ILRUN: variants seen among roughly 807,000 people sequenced by gnomAD.
The protein encoded by ILRUN is inflammation and lipid regulator with UBA-like and NBR1-like domains, also known as protein ILRUN.
A neutral mutation model predicts 33.8 loss-of-function variants in ILRUN; 3 were observed. The ratio of observed to expected loss-of-function variants is 0.09; its 90% confidence interval spans 0.04 to 0.23. The LOEUF (loss-of-function observed/expected upper bound fraction) is 0.23. Ranked by LOEUF, ILRUN falls within the 10% of genes least tolerant of loss-of-function variation. ILRUN has a pLI of 1.00. For synonymous variants in ILRUN, 124 were observed against 138.9 expected (o/e 0.89, Z 0.75); for missense variants, 210 against 375.1 (o/e 0.56, Z 3.64).
At chr6:34,605,545 C>G (rs1479534504) in intron 4 of ILRUN, among the ~76,000 whole-genome samples, 1 of 151,994 alleles carries the variant, frequency 6.6e-6, no homozygotes, top group Admixed American at 6.6e-5. Context: ...AGGAGAATTT[C>G]TTGAGCCCGG....
chr6:34,656,831 A>G (rs950527449), intron 1 of ILRUN, among the ~76,000 whole-genome samples: 3 of 152,210 alleles, frequency 2.0e-5, no homozygotes, highest in African/African-American at 7.2e-5. Context: ...TAATGACTGA[A>G]ATTACAATAC....
chr6:34,619,682 G>A (rs1761969929), intron 3 of ILRUN, among the ~76,000 whole-genome samples: 2 of 152,050 alleles, frequency 1.3e-5, no homozygotes, highest in Non-Finnish European at 2.9e-5. Flanking sequence ...GTGCTCTCTA[G>A]GATATACATA....
At chr6:34,677,263 C>T (rs1221388128) in intron 1 of ILRUN, among the ~76,000 whole-genome samples, 1 of 151,768 alleles carries the variant, frequency 6.6e-6, no homozygotes, top group Non-Finnish European at 1.5e-5. Flanking sequence ...GCTGAGATCA[C>T]GCCACTGCAC....
At chr6:34,688,392 G>C (rs915887731) in intron 1 of ILRUN, among the ~76,000 whole-genome samples, 2 of 127,006 alleles carry the variant, frequency 1.6e-5, no homozygotes, top group African/African-American at 6.4e-5. Flanking sequence ...AACAGAATGA[G>C]ACCCTGTCTC....
At position 34,617,074 on chromosome 6, in the gene ILRUN, G is replaced by A. The variant is rs1332034187; in HGVS notation, c.512-10170C>T. 3 of 531,722 alleles carry A rather than the reference G, an allele frequency of 5.6e-6. No individual in the cohort carries two copies. In the African/African-American group the frequency reaches 5.8e-5, roughly 10 times the overall value. 32.9% of individuals were successfully genotyped at this position (531,722 alleles called of 1,614,324 possible). A position where few individuals can be genotyped will look rare whatever the true frequency, so the allele number is the denominator to read the frequency against. On this transcript the variant is annotated intron_variant, in intron 3 of 4. Coordinates refer to ENST00000374023, the MANE Select transcript of ILRUN (RefSeq NM_024294.4). ...TTGGTAAATATGGCATCACCTGCAT[G>A]GAGGATCTGATCATGAGATCTATAC...
intron 4 of ILRUN, among the ~76,000 whole-genome samples, chr6:34,593,789 G>A (rs371901259): frequency 2.6e-4 from 40 of 152,202 alleles, no homozygotes; most frequent in East Asian, 9.6e-4. Flanking sequence ...GCTATTTTAC[G>A]ATCTAGACTC....
At chr6:34,611,480 C>CAA (rs1481349197) in intron 3 of ILRUN, among the ~76,000 whole-genome samples, 13 of 152,286 alleles carry the variant, frequency 8.5e-5, no homozygotes, top group Admixed American at 7.2e-4. Flanking sequence ...CTACGTGGTA[C>CAA]AATCTCAATC....
In ILRUN at chr6:34,606,918, G is replaced by T. The variant is rs377504022; in HGVS notation, c.512-14C>A. 6 of 1,593,606 alleles carry T rather than the reference G, an allele frequency of 3.8e-6. No homozygotes were observed. Among genetic ancestry groups the T allele is most frequent in the African/African-American group, 1.3e-5 (1 of 74,230 alleles). ...CCCAGATGACATCTGAAACAAAAAG[G>T]TAACTCATTTCAATGCCAGGCTTAC... is the stretch of plus-strand genomic sequence containing the variant. On this transcript the variant is annotated splice_polypyrimidine_tract_variant and intron_variant, in intron 3 of 4. Transcript: ENST00000374023.
At chr6:34,653,462 G>T (rs529428949) in intron 2 of ILRUN, among the ~76,000 whole-genome samples, 1 of 152,234 alleles carries the variant, frequency 6.6e-6, no homozygotes, top group Non-Finnish European at 1.5e-5. Context: ...CTCATCTGAA[G>T]TGATCCTCCC....
rs887257431 is a variant in ILRUN, at chr6:34,646,103, A to C, written c.511+498T>G. Among the ~76,000 whole-genome samples the C allele has an allele frequency of 6.6e-6, 1 of 152,216 alleles. No individual in the cohort carries two copies. The highest frequency in any genetic ancestry group is 2.4e-5 in the African/African-American group (1 of 41,446). On this transcript the variant is annotated intron_variant, in intron 3 of 4. Coordinates refer to ENST00000374023, the MANE Select transcript of ILRUN (RefSeq NM_024294.4). The surrounding 1 kb of genome is among the most constrained non-coding windows in gnomAD (Gnocchi z 4.9). ...TGGAGTGGGGAGTGGATAAAGGATA[A>C]ATTGGGTTGAAGAGTGAATGGAAAA...
intron 3 of ILRUN, among the ~76,000 whole-genome samples, chr6:34,615,795 G>T (rs769386290): frequency 1.2e-4 from 18 of 152,154 alleles, no homozygotes; most frequent in Non-Finnish European, 2.5e-4. Flanking sequence ...ACAGAAGCCA[G>T]TCCTATCTGC....
At chr6:34,611,053 C>T (rs1761737489) in intron 3 of ILRUN, among the ~76,000 whole-genome samples, 2 of 150,340 alleles carry the variant, frequency 1.3e-5, no homozygotes, top group African/African-American at 5.0e-5. Flanking sequence ...CCCCCTCCCC[C>T]TCCCCCTCTC....
chr6:34,607,480 T>C (rs573982659), intron 3 of ILRUN, among the ~76,000 whole-genome samples: 3 of 152,314 alleles, frequency 2.0e-5, no homozygotes, highest in East Asian at 1.9e-4. Flanking sequence ...CTCAATCTAT[T>C]TGACCAAAAG....
At chr6:34,619,298 T>C (rs183339052) in intron 3 of ILRUN, among the ~76,000 whole-genome samples, 1,953 of 152,036 alleles carry the variant, frequency 0.013, 19 homozygotes, top group Middle Eastern at 0.02. Flanking sequence ...ACAGAATATA[T>C]ATATATATAG....
intron 4 of ILRUN, chr6:34,595,773 A>T (rs1278449536): frequency 1.0e-6 from 1 of 985,328 alleles, no homozygotes; most frequent in African/African-American, 1.7e-5. Flanking sequence ...AGGTTCACAC[A>T]GGTTAATAAA....
At chr6:34,593,241 G>C (rs1341244118) in intron 4 of ILRUN, among the ~76,000 whole-genome samples, 2 of 152,040 alleles carry the variant, frequency 1.3e-5, no homozygotes, top group Admixed American at 6.6e-5. Context: ...AAAGAAAAAA[G>C]AAAACTCAAA....
At chr6:34,683,475 CAT>C (rs1193684499) in intron 1 of ILRUN, among the ~76,000 whole-genome samples, 2,808 of 79,500 alleles carry the variant, frequency 0.035, 61 homozygotes, top group Middle Eastern at 0.084. Flanking sequence ...TATATATACA[CAT>C]ATATATATAC....
intron 1 of ILRUN, among the ~76,000 whole-genome samples, chr6:34,694,518 C>T (rs1298101638): frequency 6.6e-6 from 1 of 152,158 alleles, no homozygotes; most frequent in Non-Finnish European, 1.5e-5. Context: ...TTCAATAACC[C>T]ATGTCTCTCT....
chr6:34,644,957 G>A (rs1762538256), intron 3 of ILRUN, among the ~76,000 whole-genome samples: 2 of 152,152 alleles, frequency 1.3e-5, no homozygotes, highest in Admixed American at 6.5e-5. Context: ...GTGAAAATGA[G>A]TCCAGGCCAG....
Sources: allele counts gnomAD v4.1 joint callset (sites outside exome capture counted in the v4.1 genomes callset), GRCh38; gene constraint gnomAD v4.1.1; non-coding constraint Gnocchi (gnomAD v3.1); transcripts MANE v1.5; gene names NCBI Gene and HGNC (gene_info 2026-07-23, HGNC 2026-07-21).